The following EVC2 variants were observed in gnomAD, a reference collection of about 807,000 sequenced individuals.
EVC2 encodes the protein EvC ciliary complex subunit 2, also known as limbin.
Under a neutral mutation model 149.3 loss-of-function variants are expected in EVC2, and 148 were observed. The ratio of observed to expected loss-of-function variants is 0.99; its 90% confidence interval spans 0.87 to 1.14. The LOEUF is 1.14. Ranked by LOEUF, EVC2 falls within the 50% of genes most tolerant of loss-of-function variation. The probability of loss-of-function intolerance (pLI) is 0.00; values close to 1 mark genes in which losing one functional copy is unlikely to be tolerated. For missense variants in EVC2, 1,854 were observed against 1,627.3 expected (o/e 1.14, Z -2.40); for synonymous variants, 776 against 649.9 (o/e 1.19, Z -2.95).
At chr4:5,594,010 G>C (rs1157869962) in intron 16 of EVC2, among the ~76,000 whole-genome samples, 2 of 152,210 alleles carry the variant, frequency 1.3e-5, no homozygotes, top group Non-Finnish European at 2.9e-5. Flanking sequence ...CGGCAGCGAG[G>C]CTGGGGGAGG....
chr4:5,702,918 C>T (rs1166042101), intron 1 of EVC2, among the ~76,000 whole-genome samples: 1 of 152,100 alleles, frequency 6.6e-6, no homozygotes, highest in African/African-American at 2.4e-5. Context: ...AAGATTAAAC[C>T]AGAAAATAAA....
At chr4:5,665,483 C>G in intron 8 of EVC2, 32 bp downstream of exon 8, 10 of 1,613,738 alleles carry the variant, frequency 6.2e-6, no homozygotes, top group Non-Finnish European at 8.5e-6. Flanking sequence ...TCACATTCAC[C>G]ACCTTCCAAA....
At chr4:5,607,031 C>G (rs1300734370) in intron 16 of EVC2, among the ~76,000 whole-genome samples, 1 of 152,152 alleles carries the variant, frequency 6.6e-6, no homozygotes, top group Non-Finnish European at 1.5e-5. Context: ...TTTATGCCAG[C>G]ATTGAATAAT....
rs574646177 is a variant in EVC2 at position 5,696,601 on chromosome 4, C to T, written c.283+992G>A. On this transcript the variant is annotated intron_variant, in intron 2 of 21. Transcript: ENST00000344408. This position sits in a 1 kb window ranked among gnomAD's most constrained non-coding sequence, Gnocchi z 4.1. ...GGGACTGCCCGCGGCATTTTTCCCA[C>T]CATGGGGAAAGGATGTAACTGCCTG... Among the ~76,000 whole-genome samples the T allele has an allele frequency of 1.3e-5, 2 of 152,318 alleles. No individual in the cohort carries two copies. Among genetic ancestry groups the T allele is most frequent in the Admixed American group, 1.3e-4 (2 of 15,302 alleles).
chr4:5,617,596 A>G (rs954005517), intron 15 of EVC2, among the ~76,000 whole-genome samples: 3 of 152,196 alleles, frequency 2.0e-5, no homozygotes, highest in African/African-American at 7.2e-5. Context: ...AGATAATGAT[A>G]AAGAAAATAA....
chr4:5,662,960 T>G, intron 9 of EVC2, 147 bp downstream of exon 9: 1 of 1,057,054 alleles, frequency 9.5e-7, no homozygotes, highest in Non-Finnish European at 1.4e-6. Flanking sequence ...TGCCAAACAT[T>G]CAGTGCATAG....
chr4:5,618,748 A>G lies in EVC2; in HGVS notation c.2502-66T>C. The G allele has an allele frequency of 6.9e-7, 1 of 1,455,448 alleles. No individual in the cohort carries two copies. Among genetic ancestry groups the G allele is most frequent in the Non-Finnish European group, 9.4e-7 (1 of 1,060,038 alleles). The allele number at this position is 1,455,448 out of a possible 1,614,324, so 90.2% of individuals were successfully genotyped here. A position where few individuals can be genotyped will look rare whatever the true frequency, so the allele number is the denominator to read the frequency against. On this transcript the variant is annotated intron_variant, in intron 14 of 21. Transcript: ENST00000344408. This position sits in a 1 kb window ranked among gnomAD's most constrained non-coding sequence, Gnocchi z 4.4. ...GCCTGGGGGCTGGGCTGGGGTGAAG[A>G]AGCCAGAGATGCAAAGCTCATTCCT...
At chr4:5,582,439 TAGC>T (rs1256927497) in intron 17 of EVC2, among the ~76,000 whole-genome samples, 1 of 152,240 alleles carries the variant, frequency 6.6e-6, no homozygotes, top group African/African-American at 2.4e-5. Flanking sequence ...CTGGGGCCTA[TAGC>T]CCCTTTCTTT....
chr4:5,617,295 T>C (rs562681171), intron 15 of EVC2, among the ~76,000 whole-genome samples: 1 of 152,298 alleles, frequency 6.6e-6, no homozygotes, highest in African/African-American at 2.4e-5. Flanking sequence ...CTGGGCTGTT[T>C]TCTCATCTGT....
In EVC2 at chr4:5,656,183, G is replaced by C. The variant is rs77748210; in HGVS notation, c.1145+6924C>G. Among the ~76,000 whole-genome samples the C allele has an allele frequency of 2.8e-3, 428 of 152,290 alleles. 3 individuals carry two copies. The highest frequency in any genetic ancestry group is 9.7e-3 in the African/African-American group (404 of 41,556). ...TCCTGGCCTTGGAGTCAGAAGACCTGGGTTTGAGCCCTGGACCAACCATTG... is the reference window on the plus strand; with the variant it reads ...TCCTGGCCTTGGAGTCAGAAGACCTCGGTTTGAGCCCTGGACCAACCATTG... On this transcript the variant is annotated intron_variant, in intron 9 of 21. Transcript: ENST00000344408.
At chr4:5,661,392 G>A (rs948047140) in intron 9 of EVC2, among the ~76,000 whole-genome samples, 2 of 152,022 alleles carry the variant, frequency 1.3e-5, no homozygotes, top group South Asian at 2.1e-4. Flanking sequence ...CATCACCCTC[G>A]TCCTCAGATT....
intron 4 of EVC2, among the ~76,000 whole-genome samples, chr4:5,690,061 T>C (rs1015843002): frequency 6.6e-6 from 1 of 152,182 alleles, no homozygotes; most frequent in African/African-American, 2.4e-5. Context: ...GCTTCAGAAC[T>C]GTGTGTGTAA....
the EVC2 span, among the ~76,000 whole-genome samples, chr4:5,531,803 T>C: frequency 1.3e-5 from 2 of 152,000 alleles, no homozygotes; most frequent in African/African-American, 4.8e-5. Context: ...GTAATAATAA[T>C]AGAAATAAAG....
intron 10 of EVC2, among the ~76,000 whole-genome samples, chr4:5,635,469 G>C (rs1716833647): frequency 7.4e-6 from 1 of 135,148 alleles, no homozygotes; most frequent in African/African-American, 3.9e-5. Context: ...GTCCCCTGGA[G>C]GGAGTGTCCC....
At chr4:5,699,968 C>CAAA (rs1721725881) in intron 1 of EVC2, among the ~76,000 whole-genome samples, 1 of 151,964 alleles carries the variant, frequency 6.6e-6, no homozygotes, top group Non-Finnish European at 1.5e-5. Flanking sequence ...TGGTGAAACC[C>CAAA]TGCCTCTACT....
intron 3 of EVC2, among the ~76,000 whole-genome samples, chr4:5,693,476 C>A (rs886354073): frequency 6.6e-5 from 10 of 152,192 alleles, no homozygotes; most frequent in Non-Finnish European, 1.5e-4. Flanking sequence ...GTCAAGTGAT[C>A]CAGCCACAGC....
intron 16 of EVC2, among the ~76,000 whole-genome samples, chr4:5,600,420 T>G (rs1425178229): frequency 6.6e-6 from 1 of 152,216 alleles, no homozygotes; most frequent in Non-Finnish European, 1.5e-5. Flanking sequence ...AAGAGGTTTC[T>G]TCATTTCTAA....
At chr4:5,668,696 T>C (rs937069769) in intron 7 of EVC2, among the ~76,000 whole-genome samples, 43 of 152,360 alleles carry the variant, frequency 2.8e-4, no homozygotes, top group African/African-American at 1.0e-3. Flanking sequence ...TTAATCCCCT[T>C]TATCTTCAAA....
intron 4 of EVC2, among the ~76,000 whole-genome samples, chr4:5,690,270 GA>G: frequency 6.6e-6 from 1 of 152,220 alleles, no homozygotes; most frequent in East Asian, 1.9e-4. Context: ...GGTGGCACAG[GA>G]AAGGCTTAAC....
Sources: allele counts gnomAD v4.1 joint callset (sites outside exome capture counted in the v4.1 genomes callset), GRCh38; gene constraint gnomAD v4.1.1; non-coding constraint Gnocchi (gnomAD v3.1); transcripts MANE v1.5; gene names NCBI Gene and HGNC (gene_info 2026-07-23, HGNC 2026-07-21).